Variants in ASPM observed in about 807,000 individuals in gnomAD.
The protein encoded by ASPM is assembly factor for spindle microtubules.
Under a neutral mutation model 366.4 loss-of-function variants are expected in ASPM, and 256 were observed. The observed-to-expected ratio is 0.70, with a 90% CI of 0.63 to 0.77. The LOEUF is 0.77. ASPM is among the 30% of genes least tolerant of loss of function. ASPM has a pLI of 0.00. For synonymous variants in ASPM, 1,414 were observed against 1,342.9 expected (o/e 1.05, Z -1.16); for missense variants, 4,146 against 4,090.4 (o/e 1.01, Z -0.37).
chr1:197,105,477 G>A (rs1657383609), intron 17 of ASPM, among the ~76,000 whole-genome samples: 1 of 151,922 alleles, frequency 6.6e-6, no homozygotes, highest in Admixed American at 6.6e-5. Context: ...AAGCAAAAGA[G>A]TCAAAATAAA....
chr1:197,096,718 G>T (rs187460688), intron 18 of ASPM, among the ~76,000 whole-genome samples: 2 of 151,816 alleles, frequency 1.3e-5, no homozygotes, highest in East Asian at 3.9e-4. Context: ...GCACTAAGAA[G>T]ATTAGTCCTT....
At chr1:197,095,938 A>T in intron 19 of ASPM, 60 bp downstream of exon 19, 1 of 1,384,262 alleles carries the variant, frequency 7.2e-7, no homozygotes, top group Non-Finnish European at 1.0e-6. Flanking sequence ...TATTTTATGT[A>T]AAGACTTAGC....
At position 197,144,001 on chromosome 1, in the gene ASPM, G is replaced by C. The variant is rs772770582; in HGVS notation, c.397C>G (p.Gln133Glu). The C allele has an allele frequency of 2.3e-5, 37 of 1,609,678 alleles. No homozygotes were observed. In the South Asian group the frequency reaches 3.7e-4, roughly 16 times the overall value. ...TCTGCATTTCCTAGTAATATAGCTT[G>C]GTGTTTCAGAACATCATTTACAAGA... Reference protein sequence around the residue: ...TFLVNDVLKHQAILLGNAEEQ... With the variant: ...TFLVNDVLKHEAILLGNAEEQ... The change falls in exon 2 of 28, where the codon CAA (glutamine) becomes GAA (glutamate). Residue 133 changes from glutamine (Q) to glutamate (E), a missense_variant. Physicochemically the swap from Gln to Glu is conservative, Grantham distance 29. This residue lies in a region of ASPM where 512 missense variants were observed against 471.7 expected (regional missense o/e 1.09). Coordinates refer to ENST00000367409, the MANE Select transcript of ASPM (RefSeq NM_018136.5).
intron 3 of ASPM, among the ~76,000 whole-genome samples, chr1:197,140,368 A>G (rs916331042): frequency 5.3e-5 from 8 of 152,246 alleles, no homozygotes; most frequent in Non-Finnish European, 8.8e-5. Context: ...AATGACATAC[A>G]AGAGGCTAGA....
rs773901778 is a variant in ASPM at position 197,090,400 on chromosome 1, A to G, written c.9637-12T>C. 1 of 1,575,230 alleles carries G rather than the reference A, an allele frequency of 6.3e-7. No individual in the cohort carries two copies. On this transcript the variant is annotated splice_polypyrimidine_tract_variant and intron_variant, in intron 23 of 27. Transcript: ENST00000367409. ...CCTCTCCATAATGCCTTAAAGAGAT[A>G]AAACAGAGTAATTTTAAGATTATAG...
intron 10 of ASPM, among the ~76,000 whole-genome samples, chr1:197,126,258 T>C (rs1658085610): frequency 1.3e-5 from 2 of 151,914 alleles, no homozygotes; most frequent in Admixed American, 1.3e-4. Context: ...CTGACCAACA[T>C]GGTGAAACCC....
rs776103881 is a variant in ASPM, at chr1:197,091,004, A to T, written c.9482T>A (p.Ile3161Asn). ...FRARLQEKRFIQKYHSIKKIE... is the reference protein window; with the variant it reads ...FRARLQEKRFNQKYHSIKKIE... ...CTTTTTGATGCTATGATATTTCTGAATAAATCTCTTTTCTTGTAATCTTGC... is the reference window on the plus strand; with the variant it reads ...CTTTTTGATGCTATGATATTTCTGATTAAATCTCTTTTCTTGTAATCTTGC... The change falls in exon 23 of 28, where the codon ATT becomes AAT. Residue 3161 changes from isoleucine (I) to asparagine (N), a missense_variant. Transcript: ENST00000367409. 1 of 1,612,430 alleles carries T rather than the reference A, an allele frequency of 6.2e-7. No homozygotes were observed. Among genetic ancestry groups the T allele is most frequent in the Admixed American group, 1.7e-5 (1 of 59,932 alleles).
At position 197,088,419 on chromosome 1, in the gene ASPM, G is replaced by A; in HGVS notation, c.9998C>T (p.Thr3333Ile). The change falls in exon 26 of 28, where the codon ACT becomes ATT. Residue 3333 changes from threonine (T) to isoleucine (I), a missense_variant. Thr to Ile is a moderately conservative substitution (Grantham distance 89). Around this residue, in one of 3 missense-constraint regions of ASPM, gnomAD observed 3,624 missense variants for 3,591.7 expected, o/e 1.01. Transcript: ENST00000367409. ...LLNVSKYEKTTSAVYDVENCI... is the reference protein window; with the variant it reads ...LLNVSKYEKTISAVYDVENCI... ...ATTTTCTACATCATAAACTGCTGAAGTAGTTTTCTCATACTTGAAGAGAAC... is the reference window on the plus strand; with the variant it reads ...ATTTTCTACATCATAAACTGCTGAAATAGTTTTCTCATACTTGAAGAGAAC... The A allele has an allele frequency of 6.2e-7, 1 of 1,602,178 alleles. No homozygotes were observed. The highest frequency in any genetic ancestry group is 1.1e-5 in the South Asian group (1 of 90,700).
Position 197,103,967 on chromosome 1 carries a change from A to T in ASPM, c.5284T>A (p.Phe1762Ile). 3 of 1,612,518 alleles carry T rather than the reference A, an allele frequency of 1.9e-6. No individual in the cohort carries two copies. Among genetic ancestry groups the T allele is most frequent in the South Asian group, 1.1e-5 (1 of 91,038 alleles). ...RKAVISLQSYFRMRKARQYYL... is the reference protein window; with the variant it reads ...RKAVISLQSYIRMRKARQYYL... Reference sequence around the variant, plus strand: ...TACTGCCGAGCCTTTCTCATTCTGAAATAAGACTGTAGTGAAATAACAGCT... The same window carrying T: ...TACTGCCGAGCCTTTCTCATTCTGATATAAGACTGTAGTGAAATAACAGCT... Residue 1762 changes from phenylalanine (F) to isoleucine (I), a missense_variant, in exon 18 of 28, where the codon TTC becomes ATC. Coordinates refer to ENST00000367409, the MANE Select transcript of ASPM (RefSeq NM_018136.5).
intron 19 of ASPM, 74 bp from the exon 20 acceptor site, chr1:197,094,254 T>G (rs1656891220): frequency 3.5e-6 from 3 of 856,764 alleles, no homozygotes; most frequent in Non-Finnish European, 5.8e-6. Context: ...CCTCCCCCCC[T>G]TTAAAATATT....
In ASPM at chr1:197,090,742, T is replaced by C. The variant is rs149351720; in HGVS notation, c.9636+108A>G. On this transcript the variant is annotated intron_variant, in intron 23 of 27. Transcript: ENST00000367409. ...AGTGCTTATGAGTTATTCTACCGGC[T>C]AATGCGTTAGCTTTTTAAAATGGTA... 77 of 1,010,342 alleles carry C rather than the reference T, an allele frequency of 7.6e-5. 2 individuals are homozygous for C. The East Asian group carries it at 1.9e-3, about 24-fold the overall frequency. The allele number at this position is 1,010,342 out of a possible 1,614,324, so 62.6% of individuals were successfully genotyped here.
chr1:197,122,349 C>T, intron 14 of ASPM, 39 bp downstream of exon 14: 11 of 1,613,324 alleles, frequency 6.8e-6, no homozygotes, highest in Non-Finnish European at 9.3e-6. Flanking sequence ...TCAAATCAGA[C>T]ATGGCAAAAA....
chr1:197,134,255 A>T (rs1041422174), intron 5 of ASPM, among the ~76,000 whole-genome samples: 12 of 151,386 alleles, frequency 7.9e-5, no homozygotes, highest in South Asian at 2.1e-4. Flanking sequence ...AATAATAAAA[A>T]AAAAAAACTA....
At chr1:197,137,166 A>G (rs1439596545) in intron 4 of ASPM, among the ~76,000 whole-genome samples, 1 of 152,224 alleles carries the variant, frequency 6.6e-6, no homozygotes, top group Non-Finnish European at 1.5e-5. Flanking sequence ...CCTCAGCAAT[A>G]TAACTCACAA....
At chr1:197,132,596 T>C (rs553890912) in intron 6 of ASPM, among the ~76,000 whole-genome samples, 61 of 152,172 alleles carry the variant, frequency 4.0e-4, no homozygotes, top group Non-Finnish European at 4.4e-5. Context: ...GGGACATCAG[T>C]ATCTGGAAGA....
At chr1:197,123,644 G>A (rs747764977) in intron 13 of ASPM, among the ~76,000 whole-genome samples, 6 of 151,968 alleles carry the variant, frequency 3.9e-5, no homozygotes, top group Non-Finnish European at 5.9e-5. Context: ...GTTTATCCAC[G>A]TGTTTAGGGG....
intron 17 of ASPM, among the ~76,000 whole-genome samples, chr1:197,112,007 A>G (rs1657600740): frequency 1.3e-5 from 2 of 152,096 alleles, no homozygotes; most frequent in Non-Finnish European, 2.9e-5. Context: ...AATCCCATTA[A>G]TGGGTATTTA....
intron 26 of ASPM, among the ~76,000 whole-genome samples, chr1:197,087,900 T>C (rs1040531775): frequency 2.6e-5 from 4 of 152,178 alleles, no homozygotes; most frequent in African/African-American, 9.6e-5. Flanking sequence ...TTAAAAAGAA[T>C]GACTCAGAGG....
intron 1 of ASPM, among the ~76,000 whole-genome samples, chr1:197,144,366 T>C (rs973781463): frequency 6.6e-6 from 1 of 152,184 alleles, no homozygotes; most frequent in African/African-American, 2.4e-5. Flanking sequence ...CTCTAAATCA[T>C]TTTGTTTGAG....
Sources: allele counts gnomAD v4.1 joint callset (sites outside exome capture counted in the v4.1 genomes callset), GRCh38; gene constraint gnomAD v4.1.1; regional missense constraint gnomAD v4.1.1; transcripts MANE v1.5; gene names NCBI Gene and HGNC (gene_info 2026-07-23, HGNC 2026-07-21).